The following RBFOX1 variants were observed in gnomAD, a reference collection of about 807,000 sequenced individuals.
The protein encoded by RBFOX1 is RNA binding protein fox-1 homolog 1.
In RBFOX1, 8 loss-of-function variants were observed where a neutral mutation model predicts 57.7. The observed-to-expected ratio is 0.14, with a 90% CI of 0.08 to 0.25. RBFOX1 has a LOEUF of 0.25. RBFOX1 is among the 10% of genes least tolerant of loss of function. RBFOX1 has a pLI of 1.00. For synonymous variants in RBFOX1, 326 were observed against 222.4 expected (o/e 1.47, Z -4.15); for missense variants, 611 against 548.5 (o/e 1.11, Z -1.14).
intron 14 of RBFOX1, among the ~76,000 whole-genome samples, chr16:7,708,699 G>C (rs2083295203): frequency 6.6e-6 from 1 of 152,178 alleles, no homozygotes; most frequent in Non-Finnish European, 1.5e-5. Context: ...AATACCCTCT[G>C]TGGGTGCTGG....
At chr16:7,494,582 C>A (rs756742100) in intron 4 of RBFOX1, among the ~76,000 whole-genome samples, 7 of 152,198 alleles carry the variant, frequency 4.6e-5, no homozygotes, top group Non-Finnish European at 1.0e-4. Flanking sequence ...AATTTACTTT[C>A]ATGACCTAAT....
chr16:6,652,467 A>G (rs2098604472), intron 2 of RBFOX1, among the ~76,000 whole-genome samples: 2 of 151,700 alleles, frequency 1.3e-5, no homozygotes, highest in East Asian at 1.9e-4. Context: ...AAAAAAAGCC[A>G]TGGGTCTGTC....
At chr16:7,294,933 C>G (rs1053996133) in intron 4 of RBFOX1, among the ~76,000 whole-genome samples, 1 of 152,108 alleles carries the variant, frequency 6.6e-6, no homozygotes, top group African/African-American at 2.4e-5. Context: ...AAGATAGATA[C>G]TTCTTGTGCC....
intron 1 of RBFOX1, among the ~76,000 whole-genome samples, chr16:6,234,121 C>G (rs1235781947): frequency 6.6e-6 from 1 of 152,106 alleles, no homozygotes; most frequent in East Asian, 1.9e-4. Flanking sequence ...AGGGGAGGAG[C>G]CTGTATGAAC....
At chr16:7,660,420 A>G (rs564735598) in intron 12 of RBFOX1, among the ~76,000 whole-genome samples, 14 of 152,292 alleles carry the variant, frequency 9.2e-5, no homozygotes, top group African/African-American at 2.9e-4. Context: ...TAATTTATCT[A>G]TAGCTGCACC....
intron 14 of RBFOX1, among the ~76,000 whole-genome samples, chr16:7,686,975 A>T (rs1457421091): frequency 6.6e-6 from 1 of 152,094 alleles, no homozygotes; most frequent in Non-Finnish European, 1.5e-5. Flanking sequence ...CACAGACCTT[A>T]TCTTCTTTCT....
At chr16:5,580,453 TG>T (rs1160652523) in intron 2 of RBFOX1, among the ~76,000 whole-genome samples, 9 of 152,184 alleles carry the variant, frequency 5.9e-5, no homozygotes, top group African/African-American at 2.2e-4. Context: ...GTTGTACGGA[TG>T]GCCCCACTTC....
chr16:6,444,129 CT>C (rs1239738199), intron 2 of RBFOX1, among the ~76,000 whole-genome samples: 5 of 152,122 alleles, frequency 3.3e-5, no homozygotes, highest in Non-Finnish European at 5.9e-5. Flanking sequence ...TCATCGATTG[CT>C]GTCCTGTTGT....
At chr16:6,883,032 C>G (rs1042326511) in intron 3 of RBFOX1, among the ~76,000 whole-genome samples, 14 of 152,062 alleles carry the variant, frequency 9.2e-5, no homozygotes, top group African/African-American at 2.9e-4. Context: ...TCTAGATAAC[C>G]CATATGTCTC....
intron 13 of RBFOX1, among the ~76,000 whole-genome samples, chr16:7,674,729 G>A (rs1034736799): frequency 6.6e-6 from 1 of 152,278 alleles, no homozygotes; most frequent in South Asian, 2.1e-4. Context: ...GGAATCCCAG[G>A]TGTACACACC....
chr16:6,836,691 G>T (rs1567482989), intron 3 of RBFOX1, among the ~76,000 whole-genome samples: 1 of 152,160 alleles, frequency 6.6e-6, no homozygotes, highest in Admixed American at 6.5e-5. Flanking sequence ...TTTATCCTGT[G>T]TGGACTATGA....
intron 2 of RBFOX1, among the ~76,000 whole-genome samples, chr16:6,559,175 A>C (rs941391631): frequency 2.6e-5 from 4 of 151,846 alleles, no homozygotes; most frequent in African/African-American, 9.7e-5. Context: ...GTGTGTACAT[A>C]TATATATACA....
chr16:7,009,008 T>C (rs1191439947), intron 3 of RBFOX1, among the ~76,000 whole-genome samples: 3 of 5,900 alleles, frequency 5.1e-4, no homozygotes, highest in Admixed American at 2.3e-3. Flanking sequence ...CTCCCTCCCT[T>C]CCTCCCTCCC....
chr16:7,315,816 CATT>C (rs2096425640), intron 4 of RBFOX1, among the ~76,000 whole-genome samples: 1 of 152,134 alleles, frequency 6.6e-6, no homozygotes, highest in South Asian at 2.1e-4. Context: ...GTGAGTGTCT[CATT>C]GTTTTTAATT....
chr16:6,899,128 T>C (rs1312959127), intron 3 of RBFOX1, among the ~76,000 whole-genome samples: 1 of 151,696 alleles, frequency 6.6e-6, no homozygotes, highest in African/African-American at 2.4e-5. Flanking sequence ...TATGCATATG[T>C]GTATATGTGT....
At chr16:5,581,814 A>G (rs374615086) in intron 2 of RBFOX1, among the ~76,000 whole-genome samples, 6 of 152,280 alleles carry the variant, frequency 3.9e-5, no homozygotes, top group African/African-American at 1.4e-4. Context: ...ACCATATGCA[A>G]GGTGGGCCCA....
At chr16:7,548,719 C>A (rs930981703) in intron 5 of RBFOX1, among the ~76,000 whole-genome samples, 1 of 152,196 alleles carries the variant, frequency 6.6e-6, no homozygotes, top group Admixed American at 6.5e-5. Flanking sequence ...CGCCTGGGAG[C>A]AAAGACAGCT....
intron 4 of RBFOX1, among the ~76,000 whole-genome samples, chr16:5,870,837 A>G (rs1422314252): frequency 6.6e-6 from 1 of 152,108 alleles, no homozygotes; most frequent in Non-Finnish European, 1.5e-5. Flanking sequence ...TGCTTCTCTA[A>G]GGTCCTTTTC....
intron 3 of RBFOX1, among the ~76,000 whole-genome samples, chr16:6,694,627 T>G (rs927606943): frequency 2.0e-5 from 3 of 152,188 alleles, no homozygotes; most frequent in Admixed American, 1.3e-4. Context: ...AAGTTCTGCC[T>G]TACACTGTGT....
Sources: allele counts gnomAD v4.1 joint callset (sites outside exome capture counted in the v4.1 genomes callset), GRCh38; gene constraint gnomAD v4.1.1; transcripts MANE v1.5; gene names NCBI Gene and HGNC (gene_info 2026-07-23, HGNC 2026-07-21).